Variants in HIGD1A observed in about 807,000 individuals in gnomAD.
The protein encoded by HIGD1A is HIG1 domain family member 1A, mitochondrial.
In HIGD1A, 8 loss-of-function variants were observed where a neutral mutation model predicts 11.3. The ratio of observed to expected loss-of-function variants is 0.71; its 90% CI spans 0.42 to 1.28. HIGD1A has a LOEUF of 1.28. HIGD1A is among the 50% of genes most tolerant of loss of function. The pLI is 0.01. For missense variants in HIGD1A, 107 were observed against 118.8 expected (o/e 0.90, Z 0.46); for synonymous variants, 32 against 38.4 (o/e 0.83, Z 0.62).
intron 1 of HIGD1A, among the ~76,000 whole-genome samples, chr3:42,801,455 T>C (rs1050016724): frequency 2.6e-5 from 4 of 152,238 alleles, no homozygotes; most frequent in African/African-American, 9.6e-5. Flanking sequence ...CCTGCTCTGC[T>C]TGTATCCAAC....
intron 2 of HIGD1A, among the ~76,000 whole-genome samples, chr3:42,787,596 T>A (rs5026995): frequency 0.84 from 108,754 of 130,130 alleles, 44,485 homozygotes; most frequent in Middle Eastern, 0.9. Context: ...ATCTCAAAAA[T>A]ATATATATAT....
Position 42,794,225 on chromosome 3 carries a change from G to A in HIGD1A, c.29C>T (p.Pro10Leu). ...TGATCCCTGATCTTCCTCATATGAA[G>A]GAAGGGAAACACCTGTGTCTGTTGA... Reference protein sequence around the residue: MSTDTGVSLPSYEEDQGSKL... With the variant: MSTDTGVSLLSYEEDQGSKL... The change falls in exon 2 of 4, where the codon CCT (proline) becomes CTT (leucine). Residue 10 changes from proline to leucine, a missense_variant. Physicochemically the swap from Pro to Leu is moderately conservative, Grantham distance 98. Coordinates refer to ENST00000321331, the MANE Select transcript of HIGD1A (RefSeq NM_014056.4). The A allele has an allele frequency of 6.2e-7, 1 of 1,604,632 alleles. No homozygotes were observed. The highest frequency in any genetic ancestry group is 8.5e-7 in the Non-Finnish European group (1 of 1,177,054).
In HIGD1A at chr3:42,785,300, G is replaced by A. The variant is rs531047022; in HGVS notation, c.253C>T (p.Arg85Trp). 1.6e-5 allele frequency: 25 copies of A among 1,610,538 alleles called. No individual in the cohort carries two copies. The highest frequency in any genetic ancestry group is 5.5e-5 in the South Asian group (5 of 90,916). ...MTVGMGYSMY[R>W]EFWAKPKP Reference sequence around the variant, plus strand: ...GGCTTAGGTTTTGCCCAGAATTCCCGATACATGGAATAGCCCATACCTAAA... The same window carrying A: ...GGCTTAGGTTTTGCCCAGAATTCCCAATACATGGAATAGCCCATACCTAAA... Residue 85 changes from arginine to tryptophan, a missense_variant, in exon 4 of 4, where the codon CGG becomes TGG. Transcript: ENST00000321331.
At chr3:42,785,840 G>A (rs1387094264) in intron 3 of HIGD1A, among the ~76,000 whole-genome samples, 188 bp downstream of exon 3, 2 of 151,796 alleles carry the variant, frequency 1.3e-5, no homozygotes, top group Non-Finnish European at 2.9e-5. Flanking sequence ...TAAAATCTTA[G>A]TAGGATATAT....
intron 2 of HIGD1A, among the ~76,000 whole-genome samples, chr3:42,789,020 T>C (rs1185543590): frequency 1.3e-5 from 2 of 150,052 alleles, no homozygotes; most frequent in East Asian, 3.9e-4. Context: ...CCATGATCAT[T>C]AGGTTTTTAC....
At chr3:42,792,606 G>A (rs1233727614) in intron 2 of HIGD1A, among the ~76,000 whole-genome samples, 4 of 151,128 alleles carry the variant, frequency 2.6e-5, no homozygotes, top group African/African-American at 7.3e-5. Context: ...CTCGGGAGGC[G>A]GAGCTTGCAG....
At position 42,784,034 on chromosome 3, in the gene HIGD1A, C is replaced by T. The variant is rs376728513; in HGVS notation, c.*1237G>A. Reference sequence around the variant, plus strand: ...GAAGTTGCAGTGAGCCAAGATCGTGCCACTGCACGCCAGCCAAGATGACAG... The same window carrying T: ...GAAGTTGCAGTGAGCCAAGATCGTGTCACTGCACGCCAGCCAAGATGACAG... On this transcript the variant is annotated 3_prime_UTR_variant, in exon 4 of 4. Coordinates refer to ENST00000321331, the MANE Select transcript of HIGD1A (RefSeq NM_014056.4). Among the ~76,000 whole-genome samples, 77 of 148,554 alleles carry T rather than the reference C, an allele frequency of 5.2e-4. No individual in the cohort carries two copies. In the East Asian group the frequency reaches 0.013, roughly 25 times the overall value.
rs1700300757 is a variant in HIGD1A, at chr3:42,783,152, A to C, written c.*2119T>G. Among the ~76,000 whole-genome samples the C allele has an allele frequency of 6.6e-6, 1 of 152,254 alleles. No individual in the cohort carries two copies. Among genetic ancestry groups the C allele is most frequent in the Admixed American group, 6.5e-5 (1 of 15,282 alleles). ...TTAAACTGTGGAACTAAGAAATGTG[A>C]GGATGACAACAGAATGTAAATATTA... On this transcript the variant is annotated 3_prime_UTR_variant, in exon 4 of 4. Transcript: ENST00000321331.
At chr3:42,792,424 A>G (rs1176045970) in intron 2 of HIGD1A, among the ~76,000 whole-genome samples, 1 of 152,220 alleles carries the variant, frequency 6.6e-6, no homozygotes, top group African/African-American at 2.4e-5. Context: ...CTATAATTCC[A>G]GCACTTTGGG....
intron 2 of HIGD1A, among the ~76,000 whole-genome samples, chr3:42,787,121 ATC>A (rs1221174788): frequency 2.6e-5 from 4 of 152,204 alleles, no homozygotes; most frequent in African/African-American, 9.6e-5. Context: ...AAAATTAAGA[ATC>A]TGAAATTAGG....
chr3:42,800,572 T>A (rs1480740548), intron 1 of HIGD1A, among the ~76,000 whole-genome samples: 2 of 152,138 alleles, frequency 1.3e-5, no homozygotes, highest in African/African-American at 4.8e-5. Context: ...CTCCCATTTT[T>A]TTTTTCAGGT....
intron 1 of HIGD1A, among the ~76,000 whole-genome samples, chr3:42,796,624 G>A (rs1431105067): frequency 6.6e-6 from 1 of 152,074 alleles, no homozygotes; most frequent in Admixed American, 6.6e-5. Context: ...GAGCATTCAG[G>A]GATCAGTTTT....
intron 1 of HIGD1A, chr3:42,804,136 AC>A: frequency 6.3e-7 from 1 of 1,598,680 alleles, no homozygotes. Context: ...TCTCATTACC[AC>A]CCCATCAGCG....
chr3:42,786,905 A>G (rs532923039), intron 2 of HIGD1A, among the ~76,000 whole-genome samples: 4 of 152,142 alleles, frequency 2.6e-5, no homozygotes, highest in Middle Eastern at 6.3e-3. Context: ...CCTCCCTAAT[A>G]ACTGGGACTA....
chr3:42,787,151 A>G (rs1352337000), intron 2 of HIGD1A, among the ~76,000 whole-genome samples: 1 of 152,208 alleles, frequency 6.6e-6, no homozygotes, highest in African/African-American at 2.4e-5. Flanking sequence ...TATCACAACA[A>G]AACGTGTGCT....
At chr3:42,794,721 G>A (rs1700473310) in intron 1 of HIGD1A, among the ~76,000 whole-genome samples, 1 of 152,212 alleles carries the variant, frequency 6.6e-6, no homozygotes. Context: ...ACTTTTCGGT[G>A]TAGTTAAATG....
At chr3:42,803,385 C>T (rs1438161502) in intron 1 of HIGD1A, among the ~76,000 whole-genome samples, 3 of 152,204 alleles carry the variant, frequency 2.0e-5, no homozygotes, top group South Asian at 2.1e-4. Flanking sequence ...TTGCATCAGT[C>T]GCCCATCAGC....
intron 3 of HIGD1A, among the ~76,000 whole-genome samples, chr3:42,785,608 G>A (rs1034904770): frequency 2.0e-5 from 3 of 152,102 alleles, no homozygotes; most frequent in African/African-American, 7.2e-5. Context: ...ACTTTGAAAG[G>A]AATCACTCTT....
At chr3:42,793,004 G>C (rs1700446125) in intron 2 of HIGD1A, among the ~76,000 whole-genome samples, 1 of 149,296 alleles carries the variant, frequency 6.7e-6, no homozygotes, top group South Asian at 2.1e-4. Context: ...AAAAAGTCGA[G>C]TTTCGAATAA....
Sources: gnomAD v4.1 joint callset for allele counts (sites outside exome capture counted in the v4.1 genomes callset) on GRCh38, gnomAD v4.1.1 for gene constraint, MANE v1.5 for transcripts, NCBI Gene and HGNC (gene_info 2026-07-23, HGNC 2026-07-21) for gene names.